Variants in BUB1B observed in about 807,000 individuals in gnomAD.
BUB1B encodes the protein mitotic checkpoint serine/threonine-protein kinase BUB1 beta.
In BUB1B, 86 loss-of-function variants were observed where a neutral mutation model predicts 137.7. That is an observed-to-expected ratio of 0.62 (90% CI 0.52 to 0.75). The LOEUF (loss-of-function observed/expected upper bound fraction) is 0.75, where lower values mean the gene tolerates loss of function less well. BUB1B is among the 30% of genes least tolerant of loss of function. The pLI, the probability that BUB1B is intolerant of heterozygous loss-of-function variation, is 0.00. For synonymous variants in BUB1B, 420 were observed against 417.9 expected (o/e 1.00, Z -0.06); for missense variants, 1,130 against 1,236.9 (o/e 0.91, Z 1.30).
intron 20 of BUB1B, among the ~76,000 whole-genome samples, chr15:40,214,111 C>T (rs1294134654): frequency 1.3e-5 from 2 of 152,090 alleles, no homozygotes; most frequent in African/African-American, 2.4e-5. Flanking sequence ...GCCACTCTAG[C>T]GAGGATGCCA....
At chr15:40,216,234 T>TC (rs1200639784) in intron 20 of BUB1B, among the ~76,000 whole-genome samples, 6 of 152,058 alleles carry the variant, frequency 3.9e-5, no homozygotes, top group Non-Finnish European at 8.8e-5. Context: ...GCCTAGGAGT[T>TC]CAAGACCAGT....
chr15:40,220,305 A>C (rs913380940), intron 22 of BUB1B, among the ~76,000 whole-genome samples: 1 of 152,324 alleles, frequency 6.6e-6, no homozygotes, highest in Non-Finnish European at 1.5e-5. Context: ...GTCTTAGTAC[A>C]CAGAGGAAAT....
intron 3 of BUB1B, 115 bp from the exon 4 acceptor site, chr15:40,170,422 A>G: frequency 8.2e-7 from 1 of 1,225,392 alleles, no homozygotes; most frequent in Non-Finnish European, 1.2e-6. Context: ...TATGTCATTG[A>G]GGACCTCAAA....
chr15:40,171,567 A>G (rs2037163334), intron 4 of BUB1B, among the ~76,000 whole-genome samples: 1 of 152,144 alleles, frequency 6.6e-6, no homozygotes, highest in Non-Finnish European at 1.5e-5. Flanking sequence ...CCAAAACAGA[A>G]AAACATAATT....
intron 14 of BUB1B, among the ~76,000 whole-genome samples, chr15:40,203,106 C>T (rs573700294): frequency 5.4e-4 from 82 of 152,254 alleles, no homozygotes; most frequent in African/African-American, 1.9e-3. Context: ...AATTTGTACA[C>T]AAATGTTCAT....
intron 17 of BUB1B, 118 bp from the exon 18 acceptor site, chr15:40,209,992 C>A: frequency 1.0e-6 from 1 of 986,544 alleles, no homozygotes; most frequent in Non-Finnish European, 1.6e-6. Context: ...TAAAAGTATT[C>A]TAGATACTAC....
In BUB1B at chr15:40,208,720, T is replaced by A. The variant is rs1210363542; in HGVS notation, c.2093T>A (p.Ile698Asn). ...GCCTCGGTTGCAAGCACCTCCTCCATCAAATGTCTTCAAATTCCTGAGAAA... is the reference window on the plus strand; with the variant it reads ...GCCTCGGTTGCAAGCACCTCCTCCAACAAATGTCTTCAAATTCCTGAGAAA... ...SSASVASTSS[I>N]KCLQIPEKLE... Residue 698 changes from isoleucine (I) to asparagine (N), a missense_variant, in exon 16 of 23, where the codon ATC becomes AAC. Ile to Asn is a moderately radical substitution (Grantham distance 149). Transcript: ENST00000287598. 4.3e-6 allele frequency: 7 copies of A among 1,613,472 alleles called. No homozygotes were observed. Among genetic ancestry groups the A allele is most frequent in the Admixed American group, 1.7e-5 (1 of 59,998 alleles).
intron 9 of BUB1B, among the ~76,000 whole-genome samples, chr15:40,197,885 C>A (rs971467229): frequency 1.3e-5 from 2 of 152,150 alleles, no homozygotes; most frequent in African/African-American, 4.8e-5. Flanking sequence ...AAAGGAGAAC[C>A]ACTCCAGCAA....
intron 12 of BUB1B, among the ~76,000 whole-genome samples, chr15:40,201,852 G>A (rs1006204806): frequency 6.6e-6 from 1 of 151,670 alleles, no homozygotes; most frequent in African/African-American, 2.4e-5. Flanking sequence ...TGTATTTTTA[G>A]TAGAGACGGG....
intron 1 of BUB1B, 147 bp from the exon 2 acceptor site, chr15:40,164,906 G>A: frequency 8.8e-6 from 9 of 1,018,366 alleles, no homozygotes; most frequent in Non-Finnish European, 1.2e-5. Context: ...AGAAGCTTAG[G>A]CATATAATAA....
chr15:40,211,093 G>T (rs555651162), intron 18 of BUB1B, among the ~76,000 whole-genome samples: 2 of 152,074 alleles, frequency 1.3e-5, no homozygotes, highest in Non-Finnish European at 2.9e-5. Flanking sequence ...TCTTTGGACA[G>T]AACCTCTAAA....
Position 40,176,943 on chromosome 15 carries a change from G to T in BUB1B, c.581+270G>T, listed in dbSNP as rs4550423. Reference sequence around the variant, plus strand: ...CACACCCCCCAAAAGAATTCCCTTTGTAATTAGTACCTATGCTGAACCCAA... The same window carrying T: ...CACACCCCCCAAAAGAATTCCCTTTTTAATTAGTACCTATGCTGAACCCAA... On this transcript the variant is annotated intron_variant, in intron 5 of 22. Coordinates refer to ENST00000287598, the MANE Select transcript of BUB1B (RefSeq NM_001211.6). 3.8e-3 allele frequency among the ~76,000 whole-genome samples: 585 copies of T among 152,208 alleles called. 3 individuals carry two copies. The highest frequency in any genetic ancestry group is 0.02 in the Middle Eastern group (6 of 294).
chr15:40,210,130 A>G lies in BUB1B; in HGVS notation c.2305A>G (p.Lys769Glu). Residue 769 changes from lysine to glutamate, a missense_variant, in exon 18 of 23, where the codon AAA becomes GAA. Coordinates refer to ENST00000287598, the MANE Select transcript of BUB1B (RefSeq NM_001211.6). ...IELGNEDYCI[K>E]REYLICEDYK... ...AACAGGTAATGAGGATTACTGCATTAAACGAGAATACCTAATATGTGAAGA... is the reference window on the plus strand; with the variant it reads ...AACAGGTAATGAGGATTACTGCATTGAACGAGAATACCTAATATGTGAAGA... The G allele has an allele frequency of 6.2e-7, 1 of 1,611,548 alleles. No homozygotes were observed. The highest frequency in any genetic ancestry group is 2.2e-5 in the East Asian group (1 of 44,836).
rs561574338 is a variant in BUB1B, at chr15:40,207,383, C to T, written c.2009+925C>T. 2.0e-4 allele frequency among the ~76,000 whole-genome samples: 30 copies of T among 152,210 alleles called. No homozygotes were observed. In the South Asian group the frequency reaches 6.2e-3, roughly 32 times the overall value. On this transcript the variant is annotated intron_variant, in intron 15 of 22. Coordinates refer to ENST00000287598, the MANE Select transcript of BUB1B (RefSeq NM_001211.6). ...CTTTGGGAGGCTGAGGGAGGCGGAT[C>T]ATTTCAGGCCAGGAGTTGAAGACCA...
rs762332962 is a variant in BUB1B, at chr15:40,185,588, C to G, written c.1004C>G (p.Ala335Gly). The G allele has an allele frequency of 2.5e-6, 4 of 1,614,212 alleles. No homozygotes were observed. The highest frequency in any genetic ancestry group is 3.4e-6 in the Non-Finnish European group (4 of 1,180,040). ...ACAGCTTCACTGATAGCTGTACCCGCTGTGCTTCCCAGTTTCACTCCATAT... is the reference window on the plus strand; with the variant it reads ...ACAGCTTCACTGATAGCTGTACCCGGTGTGCTTCCCAGTTTCACTCCATAT... ...GNTASLIAVP[A>G]VLPSFTPYVE... Residue 335 changes from alanine (A) to glycine (G), a missense_variant, in exon 8 of 23, where the codon GCT (alanine) becomes GGT (glycine). Transcript: ENST00000287598.
intron 5 of BUB1B, among the ~76,000 whole-genome samples, chr15:40,179,791 T>C (rs1421808408): frequency 6.6e-6 from 1 of 152,000 alleles, no homozygotes; most frequent in Non-Finnish European, 1.5e-5. Context: ...AGGTATATAA[T>C]ATACCTAAAC....
intron 2 of BUB1B, among the ~76,000 whole-genome samples, chr15:40,165,943 C>T (rs534701781): frequency 3.4e-4 from 50 of 148,794 alleles, no homozygotes; most frequent in Admixed American, 2.7e-3. Context: ...ACCTCTGCCT[C>T]CCGGTTTTAA....
At chr15:40,199,803 A>G (rs2037542799) in intron 10 of BUB1B, 76 bp downstream of exon 10, 16 of 1,155,516 alleles carry the variant, frequency 1.4e-5, no homozygotes, top group Non-Finnish European at 2.0e-5. Context: ...ATAGAAGGTT[A>G]AAGTCCTCCC....
At position 40,214,995 on chromosome 15, in the gene BUB1B, G is replaced by A. The variant is rs114088198; in HGVS notation, c.2678+1521G>A. On this transcript the variant is annotated intron_variant, in intron 20 of 22. Transcript: ENST00000287598. ...ATTCCCAGGGCTATGGAAATTGGAA[G>A]CAGAGGTTTTTTCTAAGCCTTTTAG... Among the ~76,000 whole-genome samples, 1,242 of 152,284 alleles carry A rather than the reference G, an allele frequency of 8.2e-3. 20 individuals are homozygous for A. The highest frequency in any genetic ancestry group is 0.028 in the African/African-American group (1,170 of 41,558).
Sources: allele counts gnomAD v4.1 joint callset (sites outside exome capture counted in the v4.1 genomes callset), GRCh38; gene constraint gnomAD v4.1.1; transcripts MANE v1.5; gene names NCBI Gene and HGNC (gene_info 2026-07-23, HGNC 2026-07-21).